Variants in WIF1 observed in about 807,000 individuals in gnomAD.
WIF1 encodes the protein Wnt inhibitory factor 1.
In WIF1, 35 loss-of-function variants were observed where a neutral mutation model predicts 53.5. The observed-to-expected ratio is 0.65, with a 90% CI of 0.50 to 0.87. The LOEUF is 0.87. Ranked by LOEUF, WIF1 falls within the 40% of genes least tolerant of loss-of-function variation. WIF1 has a pLI of 0.00. For synonymous variants in WIF1, 171 were observed against 170.4 expected (o/e 1.00, Z -0.03); for missense variants, 467 against 476.8 (o/e 0.98, Z 0.19).
chr12:65,081,806 G>T (rs567618193), intron 2 of WIF1, among the ~76,000 whole-genome samples: 1 of 151,556 alleles, frequency 6.6e-6, no homozygotes, highest in South Asian at 2.1e-4. Flanking sequence ...TTTTGTCTGT[G>T]GTTTTCATTG....
rs1882521060 is a variant in WIF1 at position 65,056,072 on chromosome 12, C to T, written c.881G>A (p.Cys294Tyr). The T allele has an allele frequency of 1.9e-6, 3 of 1,614,024 alleles. No individual in the cohort carries two copies. The highest frequency in any genetic ancestry group is 1.6e-4 in the Middle Eastern group (1 of 6,084). Residue 294 changes from cysteine to tyrosine, a missense_variant, in exon 8 of 10, where the codon TGT becomes TAT. Physicochemically the swap from Cys to Tyr is radical, Grantham distance 194. Transcript: ENST00000286574. ...TCCCTGGTAACCTTTGGAACACTTA[C>T]ATTTGCTTTTACCAATGCATTTACC... ...NGGKCIGKSK[C>Y]KCSKGYQGDL...
intron 5 of WIF1, among the ~76,000 whole-genome samples, chr12:65,067,451 GA>G (rs904602950): frequency 1.3e-5 from 2 of 152,158 alleles, no homozygotes; most frequent in South Asian, 2.1e-4. Flanking sequence ...TTAAGAGGAG[GA>G]AAAAAACCTC....
chr12:65,056,865 G>T (rs894695868), intron 7 of WIF1, among the ~76,000 whole-genome samples: 2 of 151,968 alleles, frequency 1.3e-5, no homozygotes, highest in Non-Finnish European at 2.9e-5. Flanking sequence ...GGCCAAGCTG[G>T]TCTCGAACTC....
chr12:65,102,950 C>G (rs567271066), intron 2 of WIF1, among the ~76,000 whole-genome samples: 9 of 152,204 alleles, frequency 5.9e-5, no homozygotes, highest in African/African-American at 2.2e-4. Flanking sequence ...TCTAAAATAT[C>G]AAGTACAAAA....
At chr12:65,083,749 TC>T in intron 2 of WIF1, 2 of 284,798 alleles carry the variant, frequency 7.0e-6, no homozygotes, top group Admixed American at 5.3e-5. Context: ...TTCTTTTCTT[TC>T]CTTTCCTTTC....
intron 8 of WIF1, among the ~76,000 whole-genome samples, chr12:65,055,620 C>T (rs1467548788): frequency 1.3e-5 from 2 of 151,856 alleles, no homozygotes; most frequent in Non-Finnish European, 2.9e-5. Flanking sequence ...AAAAAAAATA[C>T]GAAGATTGGC....
At chr12:65,066,113 C>T (rs1336442842) in intron 6 of WIF1, among the ~76,000 whole-genome samples, 2 of 152,144 alleles carry the variant, frequency 1.3e-5, no homozygotes, top group Non-Finnish European at 2.9e-5. Flanking sequence ...AAAATTTGCA[C>T]TCCCGTTATG....
chr12:65,067,094 A>C (rs1190563299), intron 5 of WIF1, among the ~76,000 whole-genome samples: 1 of 152,220 alleles, frequency 6.6e-6, no homozygotes, highest in East Asian at 1.9e-4. Context: ...GCAAAGAAGA[A>C]AAATAAGAAA....
chr12:65,081,600 G>C (rs746414063), intron 2 of WIF1, among the ~76,000 whole-genome samples: 1 of 152,078 alleles, frequency 6.6e-6, no homozygotes, highest in African/African-American at 2.4e-5. Flanking sequence ...TTATTTCTTT[G>C]AGAATCAGTA....
Position 65,121,266 on chromosome 12 carries a change from T to C in WIF1, c.-75A>G. On this transcript the variant is annotated 5_prime_UTR_variant, in exon 1 of 10. Transcript: ENST00000286574. ...CGCAACCTGGCGCCGTCAGATACTC[T>C]GCTGCGCTGCAGCTCCCTCAGCCAG... 7.4e-7 allele frequency: 1 copy of C among 1,353,278 alleles called. No individual in the cohort carries two copies. The highest frequency in any genetic ancestry group is 9.6e-7 in the Non-Finnish European group (1 of 1,046,554). 83.8% of individuals were successfully genotyped at this position (1,353,278 alleles called of 1,614,324 possible).
intron 2 of WIF1, among the ~76,000 whole-genome samples, 184 bp downstream of exon 2, chr12:65,120,233 T>C (rs1883579727): frequency 6.6e-6 from 1 of 152,224 alleles, no homozygotes; most frequent in Non-Finnish European, 1.5e-5. Context: ...TCTTTTCTTT[T>C]GAAGATCATT....
intron 2 of WIF1, among the ~76,000 whole-genome samples, chr12:65,081,874 GA>G (rs1882956350): frequency 1.3e-5 from 2 of 151,130 alleles, no homozygotes; most frequent in Non-Finnish European, 3.0e-5. Context: ...AAAAAGAAAA[GA>G]AAAAAGAAAA....
At chr12:65,074,817 CAAAAAA>C (rs758690202) in intron 3 of WIF1, among the ~76,000 whole-genome samples, 2 of 55,452 alleles carry the variant, frequency 3.6e-5, no homozygotes, top group Admixed American at 2.7e-4. Flanking sequence ...CACTCTGTCT[CAAAAAA>C]AAAAAAAAAA....
intron 2 of WIF1, among the ~76,000 whole-genome samples, chr12:65,083,290 G>A (rs1384829582): frequency 2.0e-5 from 3 of 152,106 alleles, no homozygotes; most frequent in African/African-American, 7.2e-5. Flanking sequence ...ATAGTTCAAT[G>A]TTAAAGACCC....
intron 9 of WIF1, among the ~76,000 whole-genome samples, chr12:65,052,526 C>T (rs761159104): frequency 2.0e-5 from 3 of 152,166 alleles, no homozygotes; most frequent in Non-Finnish European, 2.9e-5. Flanking sequence ...GAACTCCCAA[C>T]GTGTCATCCC....
At chr12:65,069,068 G>C (rs1339360877) in intron 3 of WIF1, among the ~76,000 whole-genome samples, 164 bp from the exon 4 acceptor site, 1 of 152,116 alleles carries the variant, frequency 6.6e-6, no homozygotes, top group Non-Finnish European at 1.5e-5. Flanking sequence ...GAGCATCTGG[G>C]CTCCACAGAA....
At chr12:65,077,670 G>T in intron 3 of WIF1, 76 bp downstream of exon 3, 1 of 1,070,018 alleles carries the variant, frequency 9.3e-7, no homozygotes, top group South Asian at 1.4e-5. Flanking sequence ...CTCTGATGTA[G>T]GACATTTGCA....
chr12:65,117,110 G>A (rs927841914), intron 2 of WIF1, among the ~76,000 whole-genome samples: 2 of 151,848 alleles, frequency 1.3e-5, no homozygotes, highest in Non-Finnish European at 1.5e-5. Context: ...TGCCACTATT[G>A]CTGGACCCTA....
At chr12:65,092,450 A>G (rs1159878783) in intron 2 of WIF1, among the ~76,000 whole-genome samples, 3 of 146,786 alleles carry the variant, frequency 2.0e-5, no homozygotes, top group Non-Finnish European at 3.0e-5. Flanking sequence ...ATATATATGT[A>G]TATATATACA....
Sources: gnomAD v4.1 joint callset for allele counts (sites outside exome capture counted in the v4.1 genomes callset) on GRCh38, gnomAD v4.1.1 for gene constraint, MANE v1.5 for transcripts, NCBI Gene and HGNC (gene_info 2026-07-23, HGNC 2026-07-21) for gene names.